The following PCYT1B variants were observed in gnomAD, a reference collection of about 807,000 sequenced individuals.
PCYT1B encodes the protein phosphate cytidylyltransferase 1B, choline.
In PCYT1B, 10 loss-of-function variants were observed where a neutral mutation model predicts 26.4. That is an observed-to-expected ratio of 0.38 (90% CI 0.23 to 0.64). The LOEUF (loss-of-function observed/expected upper bound fraction) is 0.64, where lower values mean the gene tolerates loss of function less well. Ranked by LOEUF, PCYT1B falls within the 30% of genes least tolerant of loss-of-function variation. The pLI, the probability that PCYT1B is intolerant of heterozygous loss-of-function variation, is 0.56. For missense variants in PCYT1B, 161 were observed against 292.7 expected, an observed-to-expected ratio of 0.55 and a Z score of 3.28; for synonymous variants, 131 against 108.4, an observed-to-expected ratio of 1.21 and a Z score of -1.29.
At chrX:24,668,537 A>T in intron 1 of PCYT1B, among the ~76,000 whole-genome samples, 1 of 111,272 alleles carries the variant, frequency 9.0e-6, no homozygotes, top group East Asian at 2.8e-4. Flanking sequence ...ATTTCATACC[A>T]GGCACTGTGC....
At chrX:24,574,208 T>G (rs961846712) in intron 7 of PCYT1B, among the ~76,000 whole-genome samples, 2 of 111,688 alleles carry the variant, frequency 1.8e-5, no homozygotes, top group African/African-American at 6.5e-5. Flanking sequence ...GAATTTTTTC[T>G]TTTTGTTGTA....
intron 1 of PCYT1B, among the ~76,000 whole-genome samples, chrX:24,636,240 G>A (rs1926265997): frequency 8.9e-6 from 1 of 112,466 alleles, no homozygotes; most frequent in South Asian, 3.7e-4. Context: ...GAAATACAAT[G>A]TAGAGTGTTC....
intron 1 of PCYT1B, among the ~76,000 whole-genome samples, chrX:24,642,796 G>A (rs1021890380): frequency 2.7e-5 from 3 of 111,752 alleles, no homozygotes; most frequent in African/African-American, 9.7e-5. Flanking sequence ...TAAGTAGATG[G>A]CAATATTAGC....
chrX:24,594,049 C>T (rs1383410556), intron 3 of PCYT1B, among the ~76,000 whole-genome samples: 2 of 111,497 alleles, frequency 1.8e-5, no homozygotes, highest in African/African-American at 3.3e-5. Flanking sequence ...TGTAAAGAAA[C>T]CCAGCTCACT....
At chrX:24,629,559 CAAAAAAAAAAAA>C (rs1165553186) in intron 1 of PCYT1B, among the ~76,000 whole-genome samples, 5 of 16,105 alleles carry the variant, frequency 3.1e-4, no homozygotes, top group Admixed American at 1.5e-3. Flanking sequence ...GACCCTGTCT[CAAAAAAAAAAAA>C]AAAAAAAAAA....
chrX:24,660,700 G>GA lies in PCYT1B; in HGVS notation c.63+11869dup, dbSNP rs1220357160. Among the ~76,000 whole-genome samples the GA allele has an allele frequency of 4.7e-5, 5 of 106,249 alleles. No individual in the cohort carries two copies. In the South Asian group the frequency reaches 1.6e-3, roughly 34 times the overall value. 92.3% of individuals were successfully genotyped at this position (106,249 alleles called of 115,157 possible). A position where few individuals can be genotyped will look rare whatever the true frequency, so the allele number is the denominator to read the frequency against. Reference sequence around the variant, plus strand: ...TCTCAAAAAAAAAAAAAAAAAAGAGGAAAAAAAAGACACTAAGGGTGCCTG... The same window carrying GA: ...TCTCAAAAAAAAAAAAAAAAAAGAGGAAAAAAAAAGACACTAAGGGTGCCTG... On this transcript the variant is annotated intron_variant, in intron 1 of 7. Transcript: ENST00000379145.
chrX:24,573,171 T>C, intron 7 of PCYT1B, among the ~76,000 whole-genome samples: 1 of 107,172 alleles, frequency 9.3e-6, no homozygotes, highest in African/African-American at 3.4e-5. Context: ...CACATATATA[T>C]ATATATTTTT....
chrX:24,658,745 C>T (rs189626937), intron 1 of PCYT1B, among the ~76,000 whole-genome samples: 221 of 111,573 alleles, frequency 2.0e-3, no homozygotes, highest in Non-Finnish European at 3.5e-3. Flanking sequence ...AACTTAATCA[C>T]ATCTATAAAG....
chrX:24,661,326 A>G (rs575234920), intron 1 of PCYT1B, among the ~76,000 whole-genome samples: 5 of 112,155 alleles, frequency 4.5e-5, no homozygotes, highest in African/African-American at 1.6e-4. Flanking sequence ...AGGTCACCAA[A>G]CAAGAGAAGT....
chrX:24,665,090 C>G (rs1396406272), intron 1 of PCYT1B, among the ~76,000 whole-genome samples: 1 of 111,563 alleles, frequency 9.0e-6, no homozygotes. Flanking sequence ...AGTTTTCACT[C>G]AATTTAGAAT....
intron 7 of PCYT1B, among the ~76,000 whole-genome samples, chrX:24,574,362 C>T (rs913817002): frequency 9.0e-6 from 1 of 111,528 alleles, no homozygotes; most frequent in Non-Finnish European, 1.9e-5. Flanking sequence ...AGGGCATGCA[C>T]AATAGAAATA....
At chrX:24,613,197 G>A (rs750242526) in intron 2 of PCYT1B, among the ~76,000 whole-genome samples, 28 of 111,977 alleles carry the variant, frequency 2.5e-4, no homozygotes, top group Admixed American at 2.5e-3. Context: ...ATGAATTCTT[G>A]TCTTTAAAAC....
chrX:24,658,286 T>C (rs1407074165), intron 1 of PCYT1B: 1 of 112,349 alleles, frequency 8.9e-6, no homozygotes, highest in Non-Finnish European at 1.9e-5. Flanking sequence ...AGTCTTTGAA[T>C]GCTCAAAGAG....
intron 7 of PCYT1B, among the ~76,000 whole-genome samples, chrX:24,573,159 CACACATAT>C (rs1431250411): frequency 9.5e-4 from 32 of 33,556 alleles, no homozygotes; most frequent in Admixed American, 5.9e-3. Flanking sequence ...CACACACACA[CACACATAT>C]ATATATATAT....
intron 7 of PCYT1B, among the ~76,000 whole-genome samples, chrX:24,572,918 T>TTATATATATATATATATATA (rs371692891): frequency 2.1e-5 from 2 of 96,316 alleles, no homozygotes; most frequent in African/African-American, 7.5e-5. Context: ...TTTCATCAAA[T>TTATATATATATATATATATA]TATATATATA....
chrX:24,584,244 G>T (rs967946047), intron 5 of PCYT1B, among the ~76,000 whole-genome samples: 1 of 111,623 alleles, frequency 9.0e-6, no homozygotes, highest in South Asian at 3.8e-4. Context: ...TGGGAGGATC[G>T]CCTGAGCCCA....
At chrX:24,631,513 C>A (rs759076428) in intron 1 of PCYT1B, among the ~76,000 whole-genome samples, 2 of 111,128 alleles carry the variant, frequency 1.8e-5, no homozygotes, top group South Asian at 3.8e-4. Flanking sequence ...TTCATTATAA[C>A]GTGGATGAGA....
At chrX:24,570,223 T>A (rs775144105) in intron 7 of PCYT1B, among the ~76,000 whole-genome samples, 1 of 108,330 alleles carries the variant, frequency 9.2e-6, no homozygotes, top group Admixed American at 1.0e-4. Flanking sequence ...AAATGGTACA[T>A]TTTATGTTTA....
chrX:24,610,555 T>C (rs967087012), intron 2 of PCYT1B, among the ~76,000 whole-genome samples: 38 of 112,059 alleles, frequency 3.4e-4, no homozygotes, highest in African/African-American at 9.7e-4. Context: ...GGAAAGCAGA[T>C]GGCAGTTTTG....
Sources: allele counts gnomAD v4.1 joint callset (sites outside exome capture counted in the v4.1 genomes callset), GRCh38; gene constraint gnomAD v4.1.1; transcripts MANE v1.5; gene names NCBI Gene and HGNC (gene_info 2026-07-23, HGNC 2026-07-21).